PHF20: variants seen among roughly 807,000 people sequenced by gnomAD.
PHF20 encodes the protein glioma-expressed antigen 2.
PHF20 carries 23 observed loss-of-function variants against 113.5 expected under a neutral mutation model. The ratio of observed to expected loss-of-function variants is 0.20; its 90% confidence interval spans 0.15 to 0.29. The LOEUF (loss-of-function observed/expected upper bound fraction) is 0.29, where lower values mean the gene tolerates loss of function less well. Ranked by LOEUF, PHF20 falls within the 10% of genes least tolerant of loss-of-function variation. The pLI is 1.00. For synonymous variants in PHF20, 434 were observed against 457.3 expected (o/e 0.95, Z 0.65); for missense variants, 943 against 1,219.6 (o/e 0.77, Z 3.38).
intron 2 of PHF20, among the ~76,000 whole-genome samples, chr20:35,836,700 C>T (rs946676642): frequency 2.6e-5 from 4 of 151,828 alleles, no homozygotes; most frequent in African/African-American, 4.8e-5. Context: ...AAAAATTAGC[C>T]GGGCAAGGTG....
intron 2 of PHF20, among the ~76,000 whole-genome samples, chr20:35,811,029 G>C (rs2041968033): frequency 6.6e-6 from 1 of 152,092 alleles, no homozygotes; most frequent in Admixed American, 6.6e-5. Flanking sequence ...AAATGTGTGG[G>C]AATTAGGTTC....
chr20:35,947,416 G>C, intron 17 of PHF20, 69 bp from the exon 18 acceptor site: 1 of 1,532,086 alleles, frequency 6.5e-7, no homozygotes, highest in Non-Finnish European at 9.0e-7. Flanking sequence ...GTGCTGAAAT[G>C]CTTGCTGATG....
intron 1 of PHF20, among the ~76,000 whole-genome samples, chr20:35,792,128 G>A (rs2041568748): frequency 6.6e-6 from 1 of 152,080 alleles, no homozygotes; most frequent in Admixed American, 6.6e-5. Context: ...CTTGACTCTT[G>A]CAGAAAGCAT....
intron 13 of PHF20, among the ~76,000 whole-genome samples, chr20:35,924,623 C>T (rs533031881): frequency 9.4e-4 from 143 of 151,798 alleles, no homozygotes; most frequent in Non-Finnish European, 1.8e-3. Flanking sequence ...GACGGAGATT[C>T]GCTCTGTCAC....
At chr20:35,913,435 C>T (rs537512070) in intron 11 of PHF20, 88 bp downstream of exon 11, 38 of 890,498 alleles carry the variant, frequency 4.3e-5, no homozygotes, top group East Asian at 3.4e-4. Flanking sequence ...TCTGGGCCTG[C>T]GCTGAGCAGA....
chr20:35,898,245 T>C (rs1568729636), intron 9 of PHF20, among the ~76,000 whole-genome samples: 1 of 152,162 alleles, frequency 6.6e-6, no homozygotes, highest in Non-Finnish European at 1.5e-5. Flanking sequence ...AAAGACTCAA[T>C]ACTAAAACCT....
chr20:35,783,285 C>A (rs999864571), intron 1 of PHF20, among the ~76,000 whole-genome samples: 1 of 152,126 alleles, frequency 6.6e-6, no homozygotes, highest in African/African-American at 2.4e-5. Context: ...GTATATGTTA[C>A]CATTATTACT....
chr20:35,847,966 A>G (rs1222813118), intron 4 of PHF20, among the ~76,000 whole-genome samples: 1 of 152,142 alleles, frequency 6.6e-6, no homozygotes, highest in Non-Finnish European at 1.5e-5. Context: ...TAGAGGCTCA[A>G]TTTTGCTAGT....
chr20:35,787,369 A>C (rs2041443218), intron 1 of PHF20, among the ~76,000 whole-genome samples: 1 of 151,170 alleles, frequency 6.6e-6, no homozygotes, highest in Non-Finnish European at 1.5e-5. Context: ...AGTCTAGACG[A>C]GGTTTCACCA....
At chr20:35,821,526 G>T (rs2042168918) in intron 2 of PHF20, among the ~76,000 whole-genome samples, 1 of 151,860 alleles carries the variant, frequency 6.6e-6, no homozygotes, top group African/African-American at 2.4e-5. Flanking sequence ...AGGCATGGTG[G>T]TGTGTACCCG....
intron 12 of PHF20, among the ~76,000 whole-genome samples, chr20:35,916,454 C>T (rs1233791091): frequency 6.6e-6 from 1 of 152,168 alleles, no homozygotes; most frequent in Non-Finnish European, 1.5e-5. Context: ...TCCTCACTGT[C>T]TATAGAGTTT....
intron 12 of PHF20, among the ~76,000 whole-genome samples, chr20:35,914,694 G>GTGGATTAC: frequency 6.6e-6 from 1 of 152,064 alleles, no homozygotes; most frequent in East Asian, 1.9e-4. Context: ...GCCAGGCGCG[G>GTGGATTAC]TGGCTCACAC....
chr20:35,828,623 T>G (rs1351466819), intron 2 of PHF20, among the ~76,000 whole-genome samples: 1 of 152,162 alleles, frequency 6.6e-6, no homozygotes, highest in Non-Finnish European at 1.5e-5. Context: ...TCAACACTGT[T>G]TCCCTGAATT....
chr20:35,845,420 C>T, intron 3 of PHF20: 1 of 395,776 alleles, frequency 2.5e-6, no homozygotes, highest in Non-Finnish European at 5.2e-6. Flanking sequence ...GTCTGAAGTG[C>T]AGTGGTGCAG....
intron 3 of PHF20, among the ~76,000 whole-genome samples, chr20:35,845,780 C>CT (rs398061407): frequency 0.19 from 25,766 of 135,232 alleles, 2,476 homozygotes; most frequent in African/African-American, 0.24. Context: ...ATTTTTCTTT[C>CT]TTTTTTTTTT....
intron 13 of PHF20, among the ~76,000 whole-genome samples, chr20:35,922,054 A>G (rs2055527929): frequency 1.3e-5 from 2 of 152,184 alleles, no homozygotes; most frequent in Non-Finnish European, 2.9e-5. Context: ...ATATGAAGAA[A>G]CTAATTTCGG....
intron 2 of PHF20, among the ~76,000 whole-genome samples, chr20:35,822,193 C>T (rs1271622954): frequency 6.6e-6 from 1 of 152,074 alleles, no homozygotes; most frequent in South Asian, 2.1e-4. Context: ...GCTTGAATCC[C>T]AAGATCGAGA....
At chr20:35,781,217 C>T (rs2146829439) in intron 1 of PHF20, among the ~76,000 whole-genome samples, 1 of 151,520 alleles carries the variant, frequency 6.6e-6, no homozygotes, top group South Asian at 2.1e-4. Flanking sequence ...GATCTTGGCT[C>T]ACTGCAACCT....
intron 2 of PHF20, among the ~76,000 whole-genome samples, chr20:35,834,502 C>G (rs1213466956): frequency 6.6e-6 from 1 of 152,100 alleles, no homozygotes; most frequent in Non-Finnish European, 1.5e-5. Flanking sequence ...CCGCCCGCCT[C>G]AGCCTCCCAA....
Sources: allele counts gnomAD v4.1 joint callset (sites outside exome capture counted in the v4.1 genomes callset), GRCh38; gene constraint gnomAD v4.1.1; transcripts MANE v1.5; gene names NCBI Gene and HGNC (gene_info 2026-07-23, HGNC 2026-07-21).